TENM3: variants seen among roughly 807,000 people sequenced by gnomAD.
TENM3 encodes the protein teneurin transmembrane protein 3.
TENM3 carries 63 observed loss-of-function variants against 255.1 expected under a neutral mutation model. That is an observed-to-expected ratio of 0.25 (90% CI 0.20 to 0.30). The LOEUF (loss-of-function observed/expected upper bound fraction) is 0.30. TENM3 is among the 10% of genes least tolerant of loss of function. The probability of loss-of-function intolerance (pLI) is 1.00; values close to 1 mark genes in which losing one functional copy is unlikely to be tolerated. For synonymous variants in TENM3, 1,306 were observed against 1,322.3 expected (o/e 0.99, Z 0.27); for missense variants, 2,929 against 3,461.1 (o/e 0.85, Z 3.86).
chr4:182,057,797 T>C, the TENM3 span, among the ~76,000 whole-genome samples: 1 of 152,012 alleles, frequency 6.6e-6, no homozygotes, highest in Admixed American at 6.6e-5. Flanking sequence ...TGGCATAAAC[T>C]TCAACGTAAT....
At chr4:182,681,757 C>A in intron 10 of TENM3, 57 bp from the exon 11 acceptor site, 1 of 1,228,374 alleles carries the variant, frequency 8.1e-7, no homozygotes, top group Non-Finnish European at 1.1e-6. Context: ...ATTCTTTTTT[C>A]TGCATGCACT....
At chr4:182,100,446 A>AT in the TENM3 span, among the ~76,000 whole-genome samples, 5 of 85,892 alleles carry the variant, frequency 5.8e-5, no homozygotes, top group Admixed American at 1.5e-4. Flanking sequence ...CGTAAAAAAA[A>AT]AAATATATAT....
chr4:181,487,209 C>A, the TENM3 span, among the ~76,000 whole-genome samples: 4 of 152,092 alleles, frequency 2.6e-5, no homozygotes, highest in Non-Finnish European at 4.4e-5. Context: ...TGTGACGGAT[C>A]CAACACGCTT....
chr4:181,558,371 C>T, the TENM3 span, among the ~76,000 whole-genome samples: 1 of 152,180 alleles, frequency 6.6e-6, no homozygotes, highest in Non-Finnish European at 1.5e-5. Context: ...CTTGTAAAAC[C>T]CACTATTGAT....
the TENM3 span, among the ~76,000 whole-genome samples, chr4:181,857,768 A>T: frequency 6.6e-6 from 1 of 151,954 alleles, no homozygotes; most frequent in African/African-American, 2.4e-5. Flanking sequence ...CCAAACAAAA[A>T]AAAAAGAGAG....
chr4:181,575,823 C>T, the TENM3 span, among the ~76,000 whole-genome samples: 1 of 152,210 alleles, frequency 6.6e-6, no homozygotes, highest in Non-Finnish European at 1.5e-5. Context: ...TGCAGAGAGA[C>T]TGATGATCTG....
At chr4:181,479,156 G>A in the TENM3 span, among the ~76,000 whole-genome samples, 6 of 152,188 alleles carry the variant, frequency 3.9e-5, no homozygotes, top group East Asian at 1.9e-4. Context: ...CCCAATTTTA[G>A]CATTTAATTT....
chr4:182,765,560 G>A (rs1763641753), intron 22 of TENM3, among the ~76,000 whole-genome samples: 1 of 152,110 alleles, frequency 6.6e-6, no homozygotes, highest in Admixed American at 6.5e-5. Context: ...CTTAAAGCTT[G>A]TGAGTAGGTA....
chr4:182,030,547 G>T, the TENM3 span, among the ~76,000 whole-genome samples: 1 of 152,124 alleles, frequency 6.6e-6, no homozygotes, highest in African/African-American at 2.4e-5. Flanking sequence ...GAACATACCT[G>T]TGCATGTATC....
intron 1 of TENM3, among the ~76,000 whole-genome samples, chr4:182,311,656 G>A (rs1762451971): frequency 6.6e-6 from 1 of 152,214 alleles, no homozygotes; most frequent in Non-Finnish European, 1.5e-5. Flanking sequence ...TGAGGATTAA[G>A]TGAGGTCATA....
At chr4:182,351,781 C>A (rs1319665901) in intron 3 of TENM3, among the ~76,000 whole-genome samples, 3 of 152,102 alleles carry the variant, frequency 2.0e-5, no homozygotes, top group African/African-American at 7.2e-5. Context: ...GACTTTGAGA[C>A]CTTGGGCAAG....
At chr4:181,660,421 G>T in the TENM3 span, among the ~76,000 whole-genome samples, 985 of 152,220 alleles carry the variant, frequency 6.5e-3, 20 homozygotes, top group Admixed American at 0.036. Flanking sequence ...TGGAATAAAT[G>T]TTAAAGCAAT....
chr4:181,737,086 G>A, the TENM3 span, among the ~76,000 whole-genome samples: 112 of 152,180 alleles, frequency 7.4e-4, 1 homozygote, highest in African/African-American at 2.5e-3. Context: ...ATCAGCTACC[G>A]GTAGTTCTTC....
At chr4:181,689,485 A>C in the TENM3 span, among the ~76,000 whole-genome samples, 2 of 152,162 alleles carry the variant, frequency 1.3e-5, no homozygotes, top group African/African-American at 4.8e-5. Flanking sequence ...CACATCTACC[A>C]GGCATAGACT....
the TENM3 span, among the ~76,000 whole-genome samples, chr4:181,757,391 C>T: frequency 6.6e-6 from 1 of 152,144 alleles, no homozygotes; most frequent in African/African-American, 2.4e-5. Flanking sequence ...TTTAGCATTG[C>T]ATGCTGTCAT....
chr4:182,343,368 C>A (rs1209637624), intron 2 of TENM3, among the ~76,000 whole-genome samples: 1 of 151,934 alleles, frequency 6.6e-6, no homozygotes, highest in African/African-American at 2.4e-5. Flanking sequence ...CAGTTATGGC[C>A]AAGCAGAATT....
At chr4:181,812,337 A>G in the TENM3 span, among the ~76,000 whole-genome samples, 1 of 152,226 alleles carries the variant, frequency 6.6e-6, no homozygotes, top group Non-Finnish European at 1.5e-5. Flanking sequence ...GGATGAGAAA[A>G]CTAACATGAA....
the TENM3 span, among the ~76,000 whole-genome samples, chr4:181,998,244 G>T: frequency 6.6e-6 from 1 of 152,182 alleles, no homozygotes; most frequent in South Asian, 2.1e-4. Flanking sequence ...TGTGTTAATT[G>T]AGTGTGATTT....
chr4:182,530,746 T>C (rs1739700796), intron 3 of TENM3, among the ~76,000 whole-genome samples: 1 of 151,972 alleles, frequency 6.6e-6, no homozygotes, highest in Non-Finnish European at 1.5e-5. Flanking sequence ...GTTTTGGAGG[T>C]AGAATTAGTA....
Sources: allele counts gnomAD v4.1 joint callset (sites outside exome capture counted in the v4.1 genomes callset), GRCh38; gene constraint gnomAD v4.1.1; transcripts MANE v1.5; gene names NCBI Gene and HGNC (gene_info 2026-07-23, HGNC 2026-07-21).